The following USP34 variants were observed in gnomAD, a reference collection of about 807,000 sequenced individuals.
USP34 encodes ubiquitin carboxyl-terminal hydrolase 34.
A neutral mutation model predicts 460.3 loss-of-function variants in USP34; 70 were observed. The observed-to-expected ratio is 0.15, with a 90% CI of 0.13 to 0.19. USP34 has a LOEUF of 0.19. USP34 is among the 10% of genes least tolerant of loss of function. The pLI is 1.00. For missense variants in USP34, 3,985 were observed against 4,236.2 expected (o/e 0.94, Z 1.65); for synonymous variants, 1,647 against 1,405.3 (o/e 1.17, Z -3.85).
intron 29 of USP34, among the ~76,000 whole-genome samples, chr2:61,299,220 G>C (rs903398861): frequency 6.6e-6 from 1 of 152,068 alleles, no homozygotes; most frequent in Non-Finnish European, 1.5e-5. Flanking sequence ...TCATGGAAAC[G>C]GGAAGAAGTC....
At chr2:61,213,968 T>C in intron 68 of USP34, 92 bp downstream of exon 68, 1 of 1,454,016 alleles carries the variant, frequency 6.9e-7, no homozygotes, top group Non-Finnish European at 9.4e-7. Flanking sequence ...GGTGAGACTA[T>C]TCTATATTCT....
chr2:61,318,038 C>G (rs764483653), intron 22 of USP34, among the ~76,000 whole-genome samples: 1 of 151,690 alleles, frequency 6.6e-6, no homozygotes, highest in Non-Finnish European at 1.5e-5. Context: ...ATGAAAACTA[C>G]AAAAATCAGC....
intron 10 of USP34, among the ~76,000 whole-genome samples, chr2:61,369,205 TACC>T (rs1284656740): frequency 6.6e-6 from 1 of 152,258 alleles, no homozygotes; most frequent in Non-Finnish European, 1.5e-5. Context: ...TACCAGTATC[TACC>T]ACAAGTAAAC....
In USP34 at chr2:61,376,478, T is replaced by TTA. The variant is rs142132116; in HGVS notation, c.1076+1883_1076+1884dup. ...TCACACAACACCTAGCCTGAATGTG[T>TTA]TATTACTGCAGTGAACATTCCCAAT... On this transcript the variant is annotated intron_variant, in intron 8 of 79. Transcript: ENST00000398571. 2.2e-3 allele frequency among the ~76,000 whole-genome samples: 334 copies of TTA among 152,350 alleles called. 8 individuals are homozygous for TTA. In the East Asian group the frequency reaches 0.054, roughly 25 times the overall value.
At chr2:61,293,438 A>T (rs759179933) in intron 33 of USP34, 26 bp downstream of exon 33, 10 of 1,565,844 alleles carry the variant, frequency 6.4e-6, no homozygotes, top group Non-Finnish European at 8.8e-6. Context: ...TACTGTAACT[A>T]GTTGAAACCA....
chr2:61,257,855 C>G (rs1018107275), intron 44 of USP34, among the ~76,000 whole-genome samples: 1 of 152,104 alleles, frequency 6.6e-6, no homozygotes, highest in Admixed American at 6.5e-5. Flanking sequence ...AGCCTGGCAA[C>G]AGCAAGACTC....
At position 61,257,009 on chromosome 2, in the gene USP34, ATAT is replaced by A. The variant is rs768587935; in HGVS notation, c.6048+40_6048+42del. The A allele has an allele frequency of 2.8e-6, 4 of 1,439,418 alleles. No individual in the cohort carries two copies. The Admixed American group carries it at 9.8e-5, about 35-fold the overall frequency. 89.2% of individuals were successfully genotyped at this position (1,439,418 alleles called of 1,614,324 possible). On this transcript the variant is annotated intron_variant, in intron 46 of 79. Transcript: ENST00000398571. ...AGTAAATTATAATATAAATGAAAAT[ATAT>A]TAAGATCTCCAAAAAGTAAAAACCA...
intron 2 of USP34, among the ~76,000 whole-genome samples, chr2:61,413,494 C>G (rs1487178661): frequency 1.4e-5 from 2 of 146,602 alleles, no homozygotes. Context: ...ACTGCCTGAG[C>G]TCAGGAGCTC....
At chr2:61,189,255 AGTT>A in intron 78 of USP34, 186 bp from the exon 79 acceptor site, 2 of 512,548 alleles carry the variant, frequency 3.9e-6, no homozygotes, top group African/African-American at 2.5e-5. Flanking sequence ...GCATTTCATT[AGTT>A]GTTTTTTTTT....
At chr2:61,435,342 C>T (rs576912046) in intron 1 of USP34, among the ~76,000 whole-genome samples, 67 of 116,554 alleles carry the variant, frequency 5.7e-4, no homozygotes, top group South Asian at 4.2e-3. Flanking sequence ...ACTCTAAAAG[C>T]AGCAAAAGAA....
In USP34 at chr2:61,301,366, A is replaced by G. The variant is rs189034455; in HGVS notation, c.3906T>C (p.Phe1302=). 1.8e-4 allele frequency: 286 copies of G among 1,613,878 alleles called. 1 individual carries two copies. Among genetic ancestry groups the G allele is most frequent in the Non-Finnish European group, 1.2e-4 (139 of 1,179,962 alleles). ...TTTATATATGTACCTGCATATCCTT[A>G]AAACCAAGCTCATGAAGTGCTTTTT... ...YDEKALHELG[F]KDMQMVFVSL... Residue 1302 remains phenylalanine, a synonymous_variant, in exon 28 of 80, where the codon TTT becomes TTC. Coordinates refer to ENST00000398571, the MANE Select transcript of USP34 (RefSeq NM_014709.4).
intron 48 of USP34, among the ~76,000 whole-genome samples, chr2:61,254,929 G>C (rs920315924): frequency 2.0e-5 from 3 of 152,082 alleles, no homozygotes; most frequent in African/African-American, 4.8e-5. Context: ...CTCACTGTAA[G>C]CTACCTCCCA....
chr2:61,288,211 T>A (rs1171562918), intron 34 of USP34, among the ~76,000 whole-genome samples: 2 of 152,194 alleles, frequency 1.3e-5, no homozygotes, highest in African/African-American at 4.8e-5. Context: ...GGATCCCTCC[T>A]GCAAGCTTCT....
intron 23 of USP34, among the ~76,000 whole-genome samples, chr2:61,315,921 C>T (rs754140322): frequency 1.3e-5 from 2 of 151,790 alleles, no homozygotes; most frequent in South Asian, 2.1e-4. Context: ...CATAGTGGGC[C>T]GTGTGGAGTG....
At chr2:61,388,653 G>GGCT (rs1693244507) in intron 5 of USP34, among the ~76,000 whole-genome samples, 1 of 152,016 alleles carries the variant, frequency 6.6e-6, no homozygotes, top group African/African-American at 2.4e-5. Context: ...CTACTCAGGA[G>GGCT]GCTGATGCAA....
At chr2:61,241,714 G>A in intron 52 of USP34, 52 bp downstream of exon 52, 9 of 1,503,424 alleles carry the variant, frequency 6.0e-6, no homozygotes, top group Middle Eastern at 3.5e-4. Flanking sequence ...TCTAAAAGTA[G>A]ACAATGCAGA....
At chr2:61,212,694 C>G (rs971018999) in intron 68 of USP34, among the ~76,000 whole-genome samples, 1 of 152,128 alleles carries the variant, frequency 6.6e-6, no homozygotes, top group Non-Finnish European at 1.5e-5. Context: ...AAAAAACTGA[C>G]TTAAGTACCA....
chr2:61,222,881 G>C, intron 64 of USP34, 179 bp downstream of exon 64: 1 of 689,340 alleles, frequency 1.5e-6, no homozygotes, highest in South Asian at 2.0e-5. Flanking sequence ...ATTTTGTGTA[G>C]AGACGGGTTC....
At position 61,470,773 on chromosome 2, in the gene USP34, G is replaced by T; in HGVS notation, c.-81C>A. ...CCGGCGGGGGGGAGGGGAGAGAGGC[G>T]GAGGAGGGGGCCGGCCGGCCGGCGG... is the stretch of plus-strand genomic sequence containing the variant. On this transcript the variant is annotated 5_prime_UTR_variant, in exon 1 of 80. Transcript: ENST00000398571. 2 of 1,294,080 alleles carry T rather than the reference G, an allele frequency of 1.5e-6. No homozygotes were observed. Among genetic ancestry groups the T allele is most frequent in the Non-Finnish European group, 2.2e-6 (2 of 924,800 alleles). The allele number at this position is 1,294,080 out of a possible 1,614,324, so 80.2% of individuals were successfully genotyped here. A position where few individuals can be genotyped will look rare whatever the true frequency, so the allele number is the denominator to read the frequency against.
Sources: allele counts gnomAD v4.1 joint callset (sites outside exome capture counted in the v4.1 genomes callset), GRCh38; gene constraint gnomAD v4.1.1; transcripts MANE v1.5; gene names NCBI Gene and HGNC (gene_info 2026-07-23, HGNC 2026-07-21).